IL1RAPL2: variants seen among roughly 807,000 people sequenced by gnomAD.
IL1RAPL2 encodes X-linked interleukin-1 receptor accessory protein-like 2.
A neutral mutation model predicts 44.1 loss-of-function variants in IL1RAPL2; 3 were observed. The observed-to-expected ratio is 0.07, with a 90% CI of 0.03 to 0.18. The LOEUF is 0.18. Among genes scored for constraint, IL1RAPL2 ranks in the 10% least tolerant of loss-of-function variants. The pLI is 1.00. For synonymous variants in IL1RAPL2, 181 were observed against 178.8 expected (o/e 1.01, Z -0.10); for missense variants, 391 against 496.4 (o/e 0.79, Z 2.02).
intron 3 of IL1RAPL2, among the ~76,000 whole-genome samples, chrX:105,224,795 A>T (rs1556186757): frequency 9.0e-6 from 1 of 111,698 alleles, no homozygotes; most frequent in Non-Finnish European, 1.9e-5. Context: ...AGAAATAGTT[A>T]TTAGAGTCAG....
intron 6 of IL1RAPL2, among the ~76,000 whole-genome samples, chrX:105,524,305 G>T (rs1036560128): frequency 9.0e-6 from 1 of 110,855 alleles, no homozygotes; most frequent in African/African-American, 3.3e-5. Flanking sequence ...TTTGAAGTCT[G>T]CAATACATGA....
chrX:105,201,545 A>G (rs782618283), intron 3 of IL1RAPL2, among the ~76,000 whole-genome samples: 6 of 112,057 alleles, frequency 5.4e-5, no homozygotes, highest in Non-Finnish European at 1.1e-4. Context: ...GTCAACAAAC[A>G]TTCATTGAAT....
chrX:105,459,988 A>G (rs2036082085), intron 5 of IL1RAPL2, among the ~76,000 whole-genome samples: 1 of 111,529 alleles, frequency 9.0e-6, no homozygotes, highest in Non-Finnish European at 1.9e-5. Context: ...GCTATGCTAA[A>G]TCAGGATGCC....
At chrX:104,665,988 C>G (rs1317062176) in intron 2 of IL1RAPL2, among the ~76,000 whole-genome samples, 1 of 111,462 alleles carries the variant, frequency 9.0e-6, no homozygotes, top group Non-Finnish European at 1.9e-5. Flanking sequence ...ACCAATGTCA[C>G]TGTGCCAATT....
intron 6 of IL1RAPL2, among the ~76,000 whole-genome samples, chrX:105,651,563 A>G (rs2037642484): frequency 8.9e-6 from 1 of 111,741 alleles, no homozygotes; most frequent in African/African-American, 3.2e-5. Flanking sequence ...GTATCTTTAT[A>G]TATTATTTGC....
At chrX:104,712,658 C>T (rs1931482553) in intron 2 of IL1RAPL2, among the ~76,000 whole-genome samples, 2 of 110,544 alleles carry the variant, frequency 1.8e-5, no homozygotes, top group African/African-American at 6.6e-5. Flanking sequence ...TTTTTTTTCT[C>T]ACTGAACGAA....
intron 2 of IL1RAPL2, among the ~76,000 whole-genome samples, chrX:104,843,558 G>C (rs1277358208): frequency 9.0e-6 from 1 of 111,128 alleles, no homozygotes; most frequent in Admixed American, 9.6e-5. Flanking sequence ...GGACTCTGCT[G>C]ATCTGCAGAT....
At chrX:105,188,918 A>C (rs2033612158) in intron 2 of IL1RAPL2, among the ~76,000 whole-genome samples, 1 of 112,036 alleles carries the variant, frequency 8.9e-6, no homozygotes, top group South Asian at 3.7e-4. Context: ...CTAGGCTAGG[A>C]GAAAAGAGGC....
chrX:105,195,998 C>T (rs1234968046), intron 3 of IL1RAPL2, among the ~76,000 whole-genome samples: 2 of 111,406 alleles, frequency 1.8e-5, no homozygotes, highest in Non-Finnish European at 3.8e-5. Flanking sequence ...TTTTGTGACT[C>T]GGGCCGGGCG....
chrX:105,197,274 A>G (rs1275244607), intron 3 of IL1RAPL2, among the ~76,000 whole-genome samples: 2 of 110,903 alleles, frequency 1.8e-5, no homozygotes, highest in Admixed American at 9.6e-5. Context: ...GACTGACACT[A>G]TATTCCCTAG....
intron 2 of IL1RAPL2, among the ~76,000 whole-genome samples, chrX:105,111,000 T>C (rs1180340850): frequency 1.8e-5 from 2 of 112,012 alleles, no homozygotes; most frequent in Non-Finnish European, 3.8e-5. Context: ...TACTTGTCTT[T>C]TTAAAAAAAT....
At chrX:104,976,782 C>T (rs1026944309) in intron 2 of IL1RAPL2, among the ~76,000 whole-genome samples, 1 of 110,566 alleles carries the variant, frequency 9.0e-6, no homozygotes, top group Non-Finnish European at 1.9e-5. Flanking sequence ...CAACAGTGAA[C>T]CCCAAAGGCC....
At chrX:105,100,531 T>A (rs1167079846) in intron 2 of IL1RAPL2, among the ~76,000 whole-genome samples, 1 of 111,376 alleles carries the variant, frequency 9.0e-6, no homozygotes, top group Non-Finnish European at 1.9e-5. Flanking sequence ...TCATTCCCAG[T>A]CCAAAGCTCA....
intron 1 of IL1RAPL2, among the ~76,000 whole-genome samples, chrX:104,605,641 C>T (rs144983185): frequency 0.012 from 1,382 of 111,576 alleles, 31 homozygotes; most frequent in African/African-American, 0.042. Flanking sequence ...GGGGATATCA[C>T]CAATGTTCCC....
chrX:104,712,859 A>T (rs1012315475), intron 2 of IL1RAPL2, among the ~76,000 whole-genome samples: 1 of 110,795 alleles, frequency 9.0e-6, no homozygotes, highest in African/African-American at 3.3e-5. Flanking sequence ...CTGAGAATAG[A>T]CAAGAAGAGG....
chrX:104,606,291 A>G (rs942773230), intron 1 of IL1RAPL2, among the ~76,000 whole-genome samples: 9 of 111,987 alleles, frequency 8.0e-5, no homozygotes, highest in African/African-American at 2.9e-4. Context: ...AAAAACTCTC[A>G]ATAAATGAGG....
chrX:105,307,921 T>C (rs2034764396), intron 5 of IL1RAPL2, among the ~76,000 whole-genome samples: 1 of 107,956 alleles, frequency 9.3e-6, no homozygotes, highest in Non-Finnish European at 1.9e-5. Context: ...GCTCATTTTA[T>C]GCTTTCTCTG....
Position 104,709,057 on chromosome X carries a change from C to A in IL1RAPL2, c.82+50062C>A, listed in dbSNP as rs190526393. Among the ~76,000 whole-genome samples, 4 of 111,165 alleles carry A rather than the reference C, an allele frequency of 3.6e-5. No homozygotes were observed. The East Asian group carries it at 1.1e-3, about 32-fold the overall frequency. Reference sequence around the variant, plus strand: ...GAATTTAACATGTTATAAGGAAGATCTATATAGCGCAGTGCTTAAGAATGT... The same window carrying A: ...GAATTTAACATGTTATAAGGAAGATATATATAGCGCAGTGCTTAAGAATGT... On this transcript the variant is annotated intron_variant, in intron 2 of 10. Coordinates refer to ENST00000372582, the MANE Select transcript of IL1RAPL2 (RefSeq NM_017416.2).
chrX:105,653,763 C>G (rs1479156970), intron 6 of IL1RAPL2, among the ~76,000 whole-genome samples: 1 of 111,757 alleles, frequency 8.9e-6, no homozygotes, highest in Non-Finnish European at 1.9e-5. Flanking sequence ...ACTCCTTCCT[C>G]TCAGAGATTA....
Sources: gnomAD v4.1 joint callset for allele counts (sites outside exome capture counted in the v4.1 genomes callset) on GRCh38, gnomAD v4.1.1 for gene constraint, MANE v1.5 for transcripts, NCBI Gene and HGNC (gene_info 2026-07-23, HGNC 2026-07-21) for gene names.